Variants in RTN4RL1 observed in about 807,000 individuals in gnomAD.
RTN4RL1 encodes the protein reticulon 4 receptor like 1.
RTN4RL1 carries 7 observed loss-of-function variants against 25.6 expected under a neutral mutation model. The observed-to-expected ratio is 0.27, with a 90% CI of 0.16 to 0.51. The LOEUF is 0.51. RTN4RL1 is among the 20% of genes least tolerant of loss of function. RTN4RL1 has a pLI of 0.97. For synonymous variants in RTN4RL1, 297 were observed against 288.2 expected (o/e 1.03, Z -0.31); for missense variants, 500 against 615.6 (o/e 0.81, Z 1.99).
chr17:1,961,672 A>G (rs1278497310), intron 1 of RTN4RL1, among the ~76,000 whole-genome samples: 1 of 151,380 alleles, frequency 6.6e-6, no homozygotes, highest in African/African-American at 2.4e-5. Flanking sequence ...TCATGCCTGT[A>G]ATCCCAGCAC....
At chr17:1,939,586 G>C (rs765731145) in intron 1 of RTN4RL1, among the ~76,000 whole-genome samples, 3 of 152,050 alleles carry the variant, frequency 2.0e-5, no homozygotes, top group African/African-American at 4.8e-5. Flanking sequence ...CTTGCCTCTC[G>C]ACTGTCCAGA....
chr17:2,022,813 C>T (rs1210052576), intron 1 of RTN4RL1, among the ~76,000 whole-genome samples: 10 of 152,228 alleles, frequency 6.6e-5, no homozygotes, highest in Admixed American at 6.5e-4. Flanking sequence ...ACCTCTTCAG[C>T]CAACCAGGCT....
At chr17:2,001,183 G>A (rs1222173166) in intron 1 of RTN4RL1, among the ~76,000 whole-genome samples, 4 of 151,236 alleles carry the variant, frequency 2.6e-5, no homozygotes, top group Middle Eastern at 3.4e-3. Flanking sequence ...CACCACGCCT[G>A]GCCTTTCATT....
At position 2,020,835 on chromosome 17, in the gene RTN4RL1, AT is replaced by A. The variant is rs1350820920; in HGVS notation, c.13+4017del. 2.6e-5 allele frequency: 4 copies of A among 152,184 alleles called. No homozygotes were observed. In the East Asian group the frequency reaches 7.7e-4, roughly 29 times the overall value. The allele number at this position is 152,184 out of a possible 1,614,324, so 9.4% of individuals were successfully genotyped here. A position where few individuals can be genotyped will look rare whatever the true frequency, so the allele number is the denominator to read the frequency against. ...ATTAGCCCAGAGGCTCTGGATTTGC[AT>A]TCTGTTTTCATAGCTCTACACAGGA... On this transcript the variant is annotated intron_variant, in intron 1 of 1. Transcript: ENST00000331238.
At chr17:2,002,375 C>T (rs1217180157) in intron 1 of RTN4RL1, among the ~76,000 whole-genome samples, 1 of 151,040 alleles carries the variant, frequency 6.6e-6, no homozygotes, top group Non-Finnish European at 1.5e-5. Context: ...TCACTGCAAG[C>T]TCCGCCTCCC....
Position 1,937,372 on chromosome 17 carries a change from G to A in RTN4RL1, c.450C>T (p.Ser150=). Residue 150 remains serine (S), a synonymous_variant, in exon 2 of 2, where the codon AGC becomes AGT. Coordinates refer to ENST00000331238, the MANE Select transcript of RTN4RL1 (RefSeq NM_178568.4). Reference sequence around the variant, plus strand: ...TGTCCTGCAGGTAGAGGTACTGCAGGCTGTGCAGGCCGCCAAAGACGCCGG... The same window carrying A: ...TGTCCTGCAGGTAGAGGTACTGCAGACTGTGCAGGCCGCCAAAGACGCCGG... ...LPAGVFGGLH[S]LQYLYLQDNH... is the part of the protein sequence containing the mutation. 2 of 1,613,674 alleles carry A rather than the reference G, an allele frequency of 1.2e-6. No individual in the cohort carries two copies. The highest frequency in any genetic ancestry group is 1.7e-6 in the Non-Finnish European group (2 of 1,179,868).
At chr17:2,002,483 G>T (rs1011817801) in intron 1 of RTN4RL1, among the ~76,000 whole-genome samples, 4 of 150,422 alleles carry the variant, frequency 2.7e-5, no homozygotes, top group African/African-American at 1.0e-4. Flanking sequence ...TAGTACAGAT[G>T]GGGTTTCACC....
intron 1 of RTN4RL1, among the ~76,000 whole-genome samples, chr17:1,957,035 C>T (rs1915808064): frequency 1.3e-5 from 2 of 152,236 alleles, no homozygotes; most frequent in South Asian, 4.1e-4. Context: ...CCACCGCGCC[C>T]AGCCAGGAAC....
At chr17:1,947,345 C>T (rs914680631) in intron 1 of RTN4RL1, among the ~76,000 whole-genome samples, 2 of 152,200 alleles carry the variant, frequency 1.3e-5, no homozygotes, top group African/African-American at 4.8e-5. Context: ...ATGCCTGTCT[C>T]GGGACTGTGG....
At chr17:1,975,647 A>T (rs2066839759) in intron 1 of RTN4RL1, among the ~76,000 whole-genome samples, 3 of 152,026 alleles carry the variant, frequency 2.0e-5, no homozygotes. Flanking sequence ...TGAGACTTTG[A>T]CTCAAAAAAG....
At chr17:2,002,441 C>G (rs369450488) in intron 1 of RTN4RL1, among the ~76,000 whole-genome samples, 3 of 149,354 alleles carry the variant, frequency 2.0e-5, no homozygotes, top group African/African-American at 7.5e-5. Flanking sequence ...TACAGGCGCC[C>G]GCCACCTCGC....
At chr17:2,020,592 G>C (rs1194927557) in intron 1 of RTN4RL1, 1 of 152,154 alleles carries the variant, frequency 6.6e-6, no homozygotes, top group Non-Finnish European at 1.5e-5. Flanking sequence ...CATCGTACTG[G>C]GTTGCAGGCC....
At chr17:2,004,299 C>T (rs140767593) in intron 1 of RTN4RL1, among the ~76,000 whole-genome samples, 2,134 of 131,010 alleles carry the variant, frequency 0.016, 60 homozygotes, top group African/African-American at 0.059. Flanking sequence ...ACCTGGGAGG[C>T]GGAACTTGGA....
intron 1 of RTN4RL1, among the ~76,000 whole-genome samples, chr17:2,008,279 A>G (rs1383517940): frequency 6.6e-6 from 1 of 152,106 alleles, no homozygotes; most frequent in Non-Finnish European, 1.5e-5. Context: ...CAAAAAAAAA[A>G]AAAAGACCAC....
At chr17:1,955,780 C>T (rs1915780522) in intron 1 of RTN4RL1, among the ~76,000 whole-genome samples, 1 of 151,554 alleles carries the variant, frequency 6.6e-6, no homozygotes, top group South Asian at 2.1e-4. Flanking sequence ...GACAGGGTTT[C>T]GCCATGTAGG....
chr17:1,970,859 T>G (rs7359575), intron 1 of RTN4RL1, among the ~76,000 whole-genome samples: 9,866 of 152,252 alleles, frequency 0.065, 446 homozygotes, highest in Non-Finnish European at 0.1. Flanking sequence ...GTGCTTAACA[T>G]TTTTTGAATC....
At chr17:1,944,975 C>G (rs930887299) in intron 1 of RTN4RL1, among the ~76,000 whole-genome samples, 11 of 152,330 alleles carry the variant, frequency 7.2e-5, no homozygotes, top group African/African-American at 2.6e-4. Flanking sequence ...TGTTCTGTGG[C>G]CCAGAGGCCC....
At chr17:1,947,383 C>T (rs1173771317) in intron 1 of RTN4RL1, among the ~76,000 whole-genome samples, 1 of 152,190 alleles carries the variant, frequency 6.6e-6, no homozygotes, top group East Asian at 1.9e-4. Flanking sequence ...CCCCCTTCAC[C>T]CTGCAGCGTG....
chr17:1,937,890 C>A, intron 1 of RTN4RL1, 82 bp from the exon 2 acceptor site: 1 of 1,112,056 alleles, frequency 9.0e-7, no homozygotes, highest in Non-Finnish European at 1.3e-6. Context: ...CCGCCGAGGA[C>A]GCATCCTCGT....
Sources: gnomAD v4.1 joint callset for allele counts (sites outside exome capture counted in the v4.1 genomes callset) on GRCh38, gnomAD v4.1.1 for gene constraint, MANE v1.5 for transcripts, NCBI Gene and HGNC (gene_info 2026-07-23, HGNC 2026-07-21) for gene names.